Variants in FAM110B observed in about 807,000 individuals in gnomAD.
The protein encoded by FAM110B is family with sequence similarity 110 member B.
A neutral mutation model predicts 20.4 loss-of-function variants in FAM110B; 6 were observed. That is an observed-to-expected ratio of 0.29 (90% CI 0.16 to 0.58). The LOEUF (loss-of-function observed/expected upper bound fraction) is 0.58. Ranked by LOEUF, FAM110B falls within the 20% of genes least tolerant of loss-of-function variation. The probability of loss-of-function intolerance (pLI) is 0.90; values close to 1 mark genes in which losing one functional copy is unlikely to be tolerated. For missense variants in FAM110B, 434 were observed against 498.2 expected, an observed-to-expected ratio of 0.87 and a Z score of 1.23; for synonymous variants, 226 against 214.1, an observed-to-expected ratio of 1.06 and a Z score of -0.49.
In FAM110B at chr8:57,996,189, G is replaced by C. The variant is rs568495751; in HGVS notation, c.-512+1383G>C. ...ATAACATCCCATTGGTTTACCCTAC[G>C]GTATTTAATCTGTAGTATTACTATA... On this transcript the variant is annotated intron_variant, in intron 1 of 3. Coordinates refer to ENST00000519262, the MANE Select transcript of FAM110B (RefSeq NM_001377989.1). Among the ~76,000 whole-genome samples the C allele has an allele frequency of 2.6e-5, 4 of 152,102 alleles. No homozygotes were observed. The South Asian group carries it at 8.3e-4, about 32-fold the overall frequency.
intron 2 of FAM110B, among the ~76,000 whole-genome samples, chr8:58,063,453 C>T (rs117728565): frequency 0.017 from 2,308 of 138,320 alleles, 52 homozygotes; most frequent in Non-Finnish European, 0.019. Context: ...TTTAACAAAA[C>T]TGAGTCCTCA....
chr8:58,144,010 G>A (rs1585922853), intron 3 of FAM110B, among the ~76,000 whole-genome samples: 1 of 152,136 alleles, frequency 6.6e-6, no homozygotes, highest in Admixed American at 6.5e-5. Flanking sequence ...AGAACCTCAC[G>A]ATTTTACAGT....
rs200035349 is a variant in FAM110B at position 58,033,600 on chromosome 8, C to CA, written c.-414+1901dup. Reference sequence around the variant, plus strand: ...CCAAATAGCCCCGGTAAAAAGTGGGCAAAAGACATGCAGAGACACTTCTCA... The same window carrying CA: ...CCAAATAGCCCCGGTAAAAAGTGGGCAAAAAGACATGCAGAGACACTTCTCA... On this transcript the variant is annotated intron_variant, in intron 2 of 3. Transcript: ENST00000519262. 7.0e-3 allele frequency among the ~76,000 whole-genome samples: 1,059 copies of CA among 151,978 alleles called. 4 individuals carry two copies. Among genetic ancestry groups the CA allele is most frequent in the Non-Finnish European group, 0.011 (718 of 67,990 alleles).
intron 2 of FAM110B, among the ~76,000 whole-genome samples, chr8:58,060,431 A>G (rs1805631435): frequency 1.3e-5 from 2 of 152,222 alleles, no homozygotes; most frequent in Admixed American, 1.3e-4. Flanking sequence ...CACAGACTAC[A>G]GAGTGGCCCA....
At chr8:58,022,490 A>T (rs538293814) in intron 1 of FAM110B, among the ~76,000 whole-genome samples, 9 of 152,282 alleles carry the variant, frequency 5.9e-5, no homozygotes, top group African/African-American at 1.9e-4. Flanking sequence ...ACTCCACTGA[A>T]CTGTATACTT....
At chr8:58,041,790 G>C (rs1273792378) in intron 2 of FAM110B, among the ~76,000 whole-genome samples, 2 of 152,224 alleles carry the variant, frequency 1.3e-5, no homozygotes. Context: ...CTTACTTAAA[G>C]CTAGTGCAGG....
At chr8:58,111,632 A>C (rs1425675211) in intron 3 of FAM110B, among the ~76,000 whole-genome samples, 1 of 152,226 alleles carries the variant, frequency 6.6e-6, no homozygotes, top group Non-Finnish European at 1.5e-5. Context: ...TTTTAATTTA[A>C]AAAAAGAAAA....
intron 1 of FAM110B, among the ~76,000 whole-genome samples, chr8:57,999,987 CGAA>C (rs1804260048): frequency 6.6e-6 from 1 of 151,802 alleles, no homozygotes; most frequent in South Asian, 2.1e-4. Flanking sequence ...CAAACTTCAC[CGAA>C]GGACTGTAGT....
intron 3 of FAM110B, among the ~76,000 whole-genome samples, chr8:58,133,425 A>G (rs1803532892): frequency 6.6e-6 from 1 of 152,184 alleles, no homozygotes; most frequent in African/African-American, 2.4e-5. Flanking sequence ...GGCAGGAGCC[A>G]GGCAGCTGCC....
At chr8:58,099,652 T>G (rs1806728917) in intron 3 of FAM110B, among the ~76,000 whole-genome samples, 3 of 152,232 alleles carry the variant, frequency 2.0e-5, no homozygotes, top group Admixed American at 6.5e-5. Context: ...AATTTGCAGA[T>G]ACTTATTGTT....
intron 3 of FAM110B, among the ~76,000 whole-genome samples, chr8:58,109,870 A>G (rs1370105930): frequency 6.6e-6 from 1 of 152,160 alleles, no homozygotes; most frequent in African/African-American, 2.4e-5. Context: ...CTGATTTTTT[A>G]TGGGAGAAAA....
chr8:58,068,306 A>G (rs888851432), intron 2 of FAM110B, among the ~76,000 whole-genome samples: 2 of 152,190 alleles, frequency 1.3e-5, no homozygotes, highest in Admixed American at 6.5e-5. Context: ...TCTTTAGCCA[A>G]TTATCTCCAT....
At chr8:58,107,671 C>T (rs1806952639) in intron 3 of FAM110B, among the ~76,000 whole-genome samples, 1 of 152,122 alleles carries the variant, frequency 6.6e-6, no homozygotes, top group Non-Finnish European at 1.5e-5. Context: ...ATAATAAGCG[C>T]CTCTGGATTA....
At chr8:58,019,735 A>G (rs1453932433) in intron 1 of FAM110B, among the ~76,000 whole-genome samples, 1 of 151,922 alleles carries the variant, frequency 6.6e-6, no homozygotes, top group African/African-American at 2.4e-5. Context: ...GTTACCTTGT[A>G]TATAGTGTCT....
intron 3 of FAM110B, among the ~76,000 whole-genome samples, chr8:58,112,334 A>G (rs982231812): frequency 2.0e-5 from 3 of 152,222 alleles, no homozygotes; most frequent in Admixed American, 2.0e-4. Context: ...GTTTCTTAAA[A>G]ATAAAAATAA....
At chr8:58,077,997 T>C (rs1806080693) in intron 3 of FAM110B, among the ~76,000 whole-genome samples, 1 of 152,250 alleles carries the variant, frequency 6.6e-6, no homozygotes, top group South Asian at 2.1e-4. Context: ...TAAAGAATGT[T>C]TTGAAAAGCA....
chr8:58,123,074 G>A (rs2150628414), intron 3 of FAM110B, among the ~76,000 whole-genome samples: 1 of 152,246 alleles, frequency 6.6e-6, no homozygotes, highest in South Asian at 2.1e-4. Context: ...AGCAGAGCGG[G>A]GAGCTAAAGG....
chr8:58,108,729 C>T (rs755640435), intron 3 of FAM110B, among the ~76,000 whole-genome samples: 2 of 152,240 alleles, frequency 1.3e-5, no homozygotes, highest in South Asian at 2.1e-4. Context: ...TGGGTTATGA[C>T]TGGGCTCAGA....
chr8:58,132,764 A>G (rs939496345), intron 3 of FAM110B, among the ~76,000 whole-genome samples: 2 of 152,248 alleles, frequency 1.3e-5, no homozygotes, highest in Admixed American at 1.3e-4. Flanking sequence ...TTAAGAGATC[A>G]TGAGGCACCA....
Sources: allele counts gnomAD v4.1 joint callset (sites outside exome capture counted in the v4.1 genomes callset), GRCh38; gene constraint gnomAD v4.1.1; transcripts MANE v1.5; gene names NCBI Gene and HGNC (gene_info 2026-07-23, HGNC 2026-07-21).